Variants in HECW2 observed in about 807,000 individuals in gnomAD.
HECW2 encodes the protein E3 ubiquitin-protein ligase HECW2.
A neutral mutation model predicts 175.2 loss-of-function variants in HECW2; 61 were observed. The observed-to-expected ratio is 0.35, with a 90% CI of 0.28 to 0.43. The LOEUF is 0.43. HECW2 is among the 20% of genes least tolerant of loss of function. The pLI, the probability that HECW2 is intolerant of heterozygous loss-of-function variation, is 1.00. For missense variants in HECW2, 1,524 were observed against 2,000.5 expected (o/e 0.76, Z 4.54); for synonymous variants, 671 against 731.0 (o/e 0.92, Z 1.32).
intron 9 of HECW2, 40 bp from the exon 10 acceptor site, chr2:196,317,409 C>T: frequency 7.1e-7 from 1 of 1,399,112 alleles, no homozygotes; most frequent in East Asian, 2.3e-5. Flanking sequence ...ATTGTTTTCT[C>T]TTTCAGTATC....
intron 2 of HECW2, among the ~76,000 whole-genome samples, chr2:196,395,129 T>C (rs1021327705): frequency 2.6e-5 from 4 of 152,090 alleles, no homozygotes; most frequent in Admixed American, 6.5e-5. Flanking sequence ...ACCTTGGGGG[T>C]ATCAATACAT....
Position 196,318,831 on chromosome 2 carries a change from C to T in HECW2, c.2059G>A (p.Glu687Lys). The T allele has an allele frequency of 6.5e-7, 1 of 1,544,306 alleles. No individual in the cohort carries two copies. Among genetic ancestry groups the T allele is most frequent in the Non-Finnish European group, 8.7e-7 (1 of 1,144,848 alleles). Reference protein sequence around the residue: ...QEEEDGACAAEPTSSGPAEGS... With the variant: ...QEEEDGACAAKPTSSGPAEGS... ...TCGGCAGGGCCACTGCTGGTGGGCT[C>T]TGCTGCACAGGCTCCGTCTTCCTCC... Residue 687 changes from glutamate to lysine, a missense_variant, in exon 9 of 29, where the codon GAG becomes AAG. Transcript: ENST00000644978.
rs12104620 is a variant in HECW2, at chr2:196,539,365, G to A, written c.-36+54143C>T. On this transcript the variant is annotated intron_variant, in intron 1 of 28. Transcript: ENST00000644978. Reference sequence around the variant, plus strand: ...ACTTTTACGTAGGCCGGACGCAGTGGCTCATGCCTGCAATCCCAGCACTTT... The same window carrying A: ...ACTTTTACGTAGGCCGGACGCAGTGACTCATGCCTGCAATCCCAGCACTTT... Among the ~76,000 whole-genome samples, 419 of 152,338 alleles carry A rather than the reference G, an allele frequency of 2.8e-3. 3 individuals are homozygous for A. The highest frequency in any genetic ancestry group is 9.3e-3 in the African/African-American group (387 of 41,578).
At chr2:196,573,730 A>G (rs1690464124) in intron 1 of HECW2, among the ~76,000 whole-genome samples, 1 of 152,192 alleles carries the variant, frequency 6.6e-6, no homozygotes, top group Admixed American at 6.5e-5. Flanking sequence ...TGTGGCAAAC[A>G]AGAGGCTGGG....
intron 16 of HECW2, among the ~76,000 whole-genome samples, chr2:196,273,049 A>ATTTTTTTTTTTTTT (rs778348590): frequency 4.6e-4 from 52 of 113,102 alleles, no homozygotes; most frequent in African/African-American, 1.6e-3. Context: ...AGCTGGTCTA[A>ATTTTTTTTTTTTTT]TTTTTTTTTT....
At chr2:196,219,128 C>T (rs1163033066) in intron 26 of HECW2, among the ~76,000 whole-genome samples, 1 of 152,150 alleles carries the variant, frequency 6.6e-6, no homozygotes, top group Non-Finnish European at 1.5e-5. Context: ...ATTTACTCTG[C>T]TAAGTGATTA....
intron 17 of HECW2, among the ~76,000 whole-genome samples, chr2:196,265,005 C>T (rs2105944361): frequency 6.6e-6 from 1 of 151,282 alleles, no homozygotes; most frequent in Admixed American, 6.5e-5. Context: ...ATGATATTGC[C>T]ATGATATTTT....
At chr2:196,259,583 T>C (rs1306533700) in intron 17 of HECW2, among the ~76,000 whole-genome samples, 2 of 152,160 alleles carry the variant, frequency 1.3e-5, no homozygotes, top group East Asian at 1.9e-4. Context: ...TTAAAGACTA[T>C]TAGAAATTAG....
intron 2 of HECW2, among the ~76,000 whole-genome samples, chr2:196,361,104 T>A (rs546787453): frequency 6.4e-4 from 98 of 152,316 alleles, no homozygotes; most frequent in African/African-American, 2.2e-3. Context: ...AACTAACTTG[T>A]AAGGAATTAG....
chr2:196,242,375 T>A (rs1220030462), intron 19 of HECW2, 171 bp from the exon 20 acceptor site: 9 of 737,918 alleles, frequency 1.2e-5, no homozygotes, highest in Non-Finnish European at 1.9e-5. Context: ...TCAACCAAGG[T>A]CTTAAGTGAC....
intron 2 of HECW2, among the ~76,000 whole-genome samples, chr2:196,411,423 C>T (rs923768391): frequency 9.2e-5 from 14 of 152,122 alleles, no homozygotes; most frequent in Non-Finnish European, 1.5e-4. Context: ...AACAAACAAA[C>T]AAAAAACTCG....
chr2:196,521,737 G>T (rs1305896632), intron 1 of HECW2, among the ~76,000 whole-genome samples: 1 of 148,598 alleles, frequency 6.7e-6, no homozygotes, highest in Non-Finnish European at 1.5e-5. Context: ...GCAGTGTTTG[G>T]TTTTTTGTTC....
chr2:196,275,053 A>G (rs1689891551), intron 15 of HECW2, among the ~76,000 whole-genome samples: 1 of 152,172 alleles, frequency 6.6e-6, no homozygotes, highest in South Asian at 2.1e-4. Context: ...TCACTTGGGT[A>G]TTTGCTGAGG....
intron 1 of HECW2, among the ~76,000 whole-genome samples, chr2:196,552,666 G>C (rs774911172): frequency 1.3e-5 from 2 of 152,012 alleles, no homozygotes; most frequent in African/African-American, 4.8e-5. Flanking sequence ...GCTCCCTATG[G>C]TTCCTTAAGT....
intron 1 of HECW2, among the ~76,000 whole-genome samples, chr2:196,537,512 A>G (rs1342492891): frequency 6.6e-6 from 1 of 152,168 alleles, no homozygotes; most frequent in African/African-American, 2.4e-5. Flanking sequence ...ACATGTCTAG[A>G]AAACCAGGGA....
intron 18 of HECW2, among the ~76,000 whole-genome samples, chr2:196,257,286 G>GA (rs1475916443): frequency 1.3e-5 from 2 of 152,058 alleles, no homozygotes; most frequent in African/African-American, 4.8e-5. Context: ...GTGAGGGGCG[G>GA]GGGTGAAAAT....
rs543049186 is a variant in HECW2, at chr2:196,581,874, G to A, written c.-36+11634C>T. On this transcript the variant is annotated intron_variant, in intron 1 of 28. Transcript: ENST00000644978. ...GAGGTCAGGAGATTGAGACCATCCTGGCTAACACGGTGAAACCCTATCTCT... is the reference window on the plus strand; with the variant it reads ...GAGGTCAGGAGATTGAGACCATCCTAGCTAACACGGTGAAACCCTATCTCT... Among the ~76,000 whole-genome samples, 15 of 152,066 alleles carry A rather than the reference G, an allele frequency of 9.9e-5. No homozygotes were observed. In the South Asian group the frequency reaches 2.9e-3, roughly 30 times the overall value.
Position 196,503,215 on chromosome 2 carries a change from C to A in HECW2, c.-35-69757G>T, listed in dbSNP as rs563929922. On this transcript the variant is annotated intron_variant, in intron 1 of 28. Coordinates refer to ENST00000644978, the MANE Select transcript of HECW2 (RefSeq NM_001348768.2). ...TGTTTGCCCCCAGTAGGAACCCCCA[C>A]AAAGAACCCCAAACAACCCCAAGAA... is the stretch of plus-strand genomic sequence containing the variant. Among the ~76,000 whole-genome samples the A allele has an allele frequency of 5.9e-5, 9 of 152,238 alleles. No homozygotes were observed. The South Asian group carries it at 1.9e-3, about 32-fold the overall frequency.
chr2:196,236,277 A>T (rs990038204), intron 21 of HECW2, among the ~76,000 whole-genome samples: 4 of 152,224 alleles, frequency 2.6e-5, no homozygotes, highest in Non-Finnish European at 5.9e-5. Flanking sequence ...TCAGATAACA[A>T]GGAAACAAAT....
Sources: allele counts gnomAD v4.1 joint callset (sites outside exome capture counted in the v4.1 genomes callset), GRCh38; gene constraint gnomAD v4.1.1; transcripts MANE v1.5; gene names NCBI Gene and HGNC (gene_info 2026-07-23, HGNC 2026-07-21).